CTNNA2: variants seen among roughly 807,000 people sequenced by gnomAD.
CTNNA2 encodes catenin alpha 2, also known as catenin alpha-2.
A neutral mutation model predicts 101.0 loss-of-function variants in CTNNA2; 42 were observed. The ratio of observed to expected loss-of-function variants is 0.42; its 90% CI spans 0.32 to 0.54. CTNNA2 has a LOEUF of 0.54. Among genes scored for constraint, CTNNA2 ranks in the 20% least tolerant of loss-of-function variants. The pLI is 0.14. For missense variants in CTNNA2, 871 were observed against 1,223.1 expected (o/e 0.71, Z 4.29); for synonymous variants, 450 against 456.4 (o/e 0.99, Z 0.18).
chr2:79,197,531 T>C (rs143627430), intron 1 of CTNNA2, among the ~76,000 whole-genome samples: 68 of 151,502 alleles, frequency 4.5e-4, no homozygotes, highest in Non-Finnish European at 8.0e-4. Context: ...AGTTCTACCA[T>C]AATGTATGGT....
intron 9 of CTNNA2, among the ~76,000 whole-genome samples, chr2:80,513,187 A>G (rs1179960978): frequency 6.6e-6 from 1 of 152,208 alleles, no homozygotes; most frequent in African/African-American, 2.4e-5. Context: ...ACATTAATTC[A>G]TATGCATAAC....
At chr2:79,714,150 T>C (rs1685921788) in intron 2 of CTNNA2, among the ~76,000 whole-genome samples, 1 of 152,192 alleles carries the variant, frequency 6.6e-6, no homozygotes, top group Non-Finnish European at 1.5e-5. Context: ...ACATGAGTTA[T>C]ACACACTGGA....
chr2:80,364,964 C>T (rs2149323231), intron 7 of CTNNA2, among the ~76,000 whole-genome samples: 1 of 152,174 alleles, frequency 6.6e-6, no homozygotes, highest in Admixed American at 6.5e-5. Context: ...AGTAACAGCT[C>T]GATTTAGTGG....
chr2:80,244,163 C>T (rs1333572291), intron 7 of CTNNA2, among the ~76,000 whole-genome samples: 1 of 152,082 alleles, frequency 6.6e-6, no homozygotes, highest in Non-Finnish European at 1.5e-5. Flanking sequence ...TTGTCAGAAC[C>T]GTGGTGTAAT....
intron 3 of CTNNA2, among the ~76,000 whole-genome samples, chr2:79,813,566 A>G (rs1316854819): frequency 6.6e-6 from 1 of 152,146 alleles, no homozygotes; most frequent in African/African-American, 2.4e-5. Context: ...CTTCAATTCA[A>G]TTTGGGATGT....
intron 13 of CTNNA2, chr2:80,576,373 A>ATT (rs5832458): frequency 0.18 from 24,629 of 138,578 alleles, 2,324 homozygotes; most frequent in Middle Eastern, 0.24. Context: ...CCATGAAACC[A>ATT]TTTTTTTTTT....
At chr2:79,698,966 C>T (rs1040701332) in intron 2 of CTNNA2, among the ~76,000 whole-genome samples, 2 of 152,022 alleles carry the variant, frequency 1.3e-5, no homozygotes, top group African/African-American at 4.8e-5. Flanking sequence ...GCACCTAATT[C>T]TATTTGATCC....
intron 7 of CTNNA2, among the ~76,000 whole-genome samples, chr2:80,180,267 G>A (rs1705690132): frequency 6.6e-6 from 1 of 152,168 alleles, no homozygotes; most frequent in Non-Finnish European, 1.5e-5. Context: ...ACTGGTTCAA[G>A]TCTGGAAATT....
At chr2:79,260,596 T>C (rs1034963397) in intron 2 of CTNNA2, among the ~76,000 whole-genome samples, 7 of 152,204 alleles carry the variant, frequency 4.6e-5, no homozygotes, top group African/African-American at 1.7e-4. Flanking sequence ...TAAACTTTTT[T>C]TTAACTGAAC....
intron 7 of CTNNA2, among the ~76,000 whole-genome samples, chr2:80,066,073 A>G (rs759482088): frequency 6.6e-6 from 1 of 152,236 alleles, no homozygotes; most frequent in African/African-American, 2.4e-5. Context: ...CAGGATGGGT[A>G]CCAATGATCC....
chr2:80,505,826 A>C (rs1688234468), intron 9 of CTNNA2, among the ~76,000 whole-genome samples: 2 of 152,208 alleles, frequency 1.3e-5, no homozygotes, highest in South Asian at 4.1e-4. Flanking sequence ...TTCTTTAGCT[A>C]TTCTTGCTAT....
chr2:80,100,768 G>GT (rs927338569), intron 7 of CTNNA2, among the ~76,000 whole-genome samples: 15 of 152,184 alleles, frequency 9.9e-5, no homozygotes, highest in Admixed American at 3.3e-4. Flanking sequence ...GTATCAAGTG[G>GT]TTAATCAAAG....
chr2:80,146,709 GGTTTTTT>G (rs1703357528), intron 7 of CTNNA2, among the ~76,000 whole-genome samples: 1 of 70,464 alleles, frequency 1.4e-5, no homozygotes, highest in African/African-American at 4.7e-5. Flanking sequence ...AGTCCCCTCT[GGTTTTTT>G]TTTTTTTTTT....
intron 7 of CTNNA2, among the ~76,000 whole-genome samples, chr2:80,141,020 C>T (rs183392607): frequency 6.6e-6 from 1 of 152,102 alleles, no homozygotes. Flanking sequence ...CCAGTCTGGG[C>T]TCCCTCCTTT....
chr2:80,288,175 C>T (rs1040868344), intron 7 of CTNNA2, among the ~76,000 whole-genome samples: 8 of 152,228 alleles, frequency 5.3e-5, no homozygotes, highest in Admixed American at 2.0e-4. Flanking sequence ...TGAAACCCCA[C>T]GGCCTCCTTA....
In CTNNA2 at chr2:79,200,620, G is replaced by A. The variant is rs150689091; in HGVS notation, c.-406+2544G>A. ...GTGACAAGAGAAAGGAGAAACAGCA[G>A]AAGTAAATGAAGGAAACAGAATTCA... is the stretch of plus-strand genomic sequence containing the variant. On this transcript the variant is annotated intron_variant, in intron 2 of 21. Coordinates refer to the CTNNA2 transcript ENST00000466387. Among the ~76,000 whole-genome samples, 686 of 152,194 alleles carry A rather than the reference G, an allele frequency of 4.5e-3. 7 individuals carry two copies. The highest frequency in any genetic ancestry group is 0.016 in the African/African-American group (652 of 41,552).
intron 7 of CTNNA2, among the ~76,000 whole-genome samples, chr2:80,014,333 G>T (rs1040145452): frequency 1.3e-5 from 2 of 151,762 alleles, no homozygotes; most frequent in African/African-American, 4.8e-5. Flanking sequence ...TTCCGGAGGG[G>T]TGACGACAAT....
intron 7 of CTNNA2, among the ~76,000 whole-genome samples, chr2:80,198,858 T>G (rs1707011586): frequency 6.6e-6 from 1 of 152,114 alleles, no homozygotes. Context: ...TTGTTTTGTT[T>G]CCTTAAATGA....
chr2:79,580,767 T>C (rs1290393549), intron 1 of CTNNA2, among the ~76,000 whole-genome samples: 1 of 152,226 alleles, frequency 6.6e-6, no homozygotes, highest in East Asian at 1.9e-4. Flanking sequence ...AAAGCTCTGG[T>C]TGACCTTTGT....
Sources: allele counts gnomAD v4.1 joint callset (sites outside exome capture counted in the v4.1 genomes callset), GRCh38; gene constraint gnomAD v4.1.1; transcripts MANE v1.5; gene names NCBI Gene and HGNC (gene_info 2026-07-23, HGNC 2026-07-21).